ROCK2: variants seen among roughly 807,000 people sequenced by gnomAD.
The protein encoded by ROCK2 is rho-associated protein kinase 2.
ROCK2 carries 61 observed loss-of-function variants against 195.1 expected under a neutral mutation model. That is an observed-to-expected ratio of 0.31 (90% CI 0.25 to 0.39). The LOEUF (loss-of-function observed/expected upper bound fraction) is 0.39, where lower values mean the gene tolerates loss of function less well. Among genes scored for constraint, ROCK2 ranks in the 10% least tolerant of loss-of-function variants. The pLI, the probability that ROCK2 is intolerant of heterozygous loss-of-function variation, is 1.00. For missense variants in ROCK2, 1,109 were observed against 1,637.4 expected (o/e 0.68, Z 5.57); for synonymous variants, 504 against 545.5 (o/e 0.92, Z 1.06).
chr2:11,310,320 A>C (rs1667993329), intron 1 of ROCK2, among the ~76,000 whole-genome samples: 1 of 152,172 alleles, frequency 6.6e-6, no homozygotes, highest in South Asian at 2.1e-4. Context: ...TCTTATTTAC[A>C]ATTTTTAAAA....
At chr2:11,208,605 T>TG (rs919258197) in intron 18 of ROCK2, among the ~76,000 whole-genome samples, 158 bp from the exon 19 acceptor site, 2 of 150,208 alleles carry the variant, frequency 1.3e-5, no homozygotes, top group Admixed American at 1.3e-4. Context: ...TCTTTTCTTT[T>TG]TTTTTTTTTT....
chr2:11,196,365 A>G (rs906033264), intron 27 of ROCK2, among the ~76,000 whole-genome samples: 2 of 152,112 alleles, frequency 1.3e-5, no homozygotes, highest in Admixed American at 6.5e-5. Context: ...CTGTACCACC[A>G]CTCTTGTTAT....
rs1418691198 is a variant in ROCK2 at position 11,180,384 on chromosome 2, T to G, written c.*3053A>C. 1 of 152,208 alleles carries G rather than the reference T, an allele frequency of 6.6e-6. No homozygotes were observed. Among genetic ancestry groups the G allele is most frequent in the East Asian group, 1.9e-4 (1 of 5,198 alleles). The allele number at this position is 152,208 out of a possible 1,614,324, so 9.4% of individuals were successfully genotyped here. On this transcript the variant is annotated 3_prime_UTR_variant, in exon 33 of 33. Transcript: ENST00000315872. ...TCATGTAACTCTAACACAGGTTAGT[T>G]TTAAAGGCACTAACCTTTACTTTGG...
chr2:11,185,707 G>A (rs1478583488), intron 32 of ROCK2, among the ~76,000 whole-genome samples: 1 of 151,884 alleles, frequency 6.6e-6, no homozygotes, highest in East Asian at 1.9e-4. Flanking sequence ...CCAGCCTGGG[G>A]AACAAGAGTG....
chr2:11,299,372 C>T (rs1438804025), intron 1 of ROCK2, among the ~76,000 whole-genome samples: 1 of 151,492 alleles, frequency 6.6e-6, no homozygotes, highest in African/African-American at 2.4e-5. Flanking sequence ...CAAATCTAAA[C>T]AATGAACTTT....
chr2:11,226,640 G>A (rs1245667928), intron 6 of ROCK2, among the ~76,000 whole-genome samples: 2 of 151,970 alleles, frequency 1.3e-5, no homozygotes, highest in African/African-American at 4.8e-5. Flanking sequence ...GGCTAGGTGT[G>A]GTGGTTCATG....
chr2:11,214,918 A>C lies in ROCK2; in HGVS notation c.1858T>G (p.Phe620Val). 1 of 1,614,042 alleles carries C rather than the reference A, an allele frequency of 6.2e-7. No individual in the cohort carries two copies. The highest frequency in any genetic ancestry group is 8.5e-7 in the Non-Finnish European group (1 of 1,179,960). Residue 620 changes from phenylalanine to valine, a missense_variant, in exon 16 of 33, where the codon TTT becomes GTT. Phe to Val is a conservative substitution (Grantham distance 50). Coordinates refer to ENST00000315872, the MANE Select transcript of ROCK2 (RefSeq NM_004850.5). ...ETAKLKLEKE[F>V]INLQSALESE... ...TCTAGAGCTGACTGAAGATTGATAAATTCCTTTTCAAGTTTTAACTTGGCA... is the reference window on the plus strand; with the variant it reads ...TCTAGAGCTGACTGAAGATTGATAACTTCCTTTTCAAGTTTTAACTTGGCA...
rs553973582 is a variant in ROCK2 at position 11,336,437 on chromosome 2, C to T, written c.141+7559G>A. Among the ~76,000 whole-genome samples, 18 of 152,044 alleles carry T rather than the reference C, an allele frequency of 1.2e-4. No homozygotes were observed. In the East Asian group the frequency reaches 2.5e-3, roughly 21 times the overall value. ...GCTAATTTTTTTATTTCTGTAGAGG[C>T]GACAAATCTCACCATGTTGCCCAGG... On this transcript the variant is annotated intron_variant, in intron 1 of 32. Coordinates refer to ENST00000315872, the MANE Select transcript of ROCK2 (RefSeq NM_004850.5).
chr2:11,243,962 C>T (rs1040440445), intron 4 of ROCK2, among the ~76,000 whole-genome samples: 1 of 152,078 alleles, frequency 6.6e-6, no homozygotes, highest in Middle Eastern at 3.2e-3. Context: ...AACAATCATA[C>T]GTTAGTGGAT....
intron 32 of ROCK2, among the ~76,000 whole-genome samples, 180 bp downstream of exon 32, chr2:11,191,968 C>T (rs991361253): frequency 6.6e-6 from 1 of 152,166 alleles, no homozygotes; most frequent in Non-Finnish European, 1.5e-5. Flanking sequence ...GTTTATATTA[C>T]TTTCATCTGA....
chr2:11,215,990 G>A (rs1004993644), intron 13 of ROCK2, among the ~76,000 whole-genome samples, 168 bp downstream of exon 13: 2 of 152,094 alleles, frequency 1.3e-5, no homozygotes, highest in Non-Finnish European at 2.9e-5. Context: ...ATAACAGAAT[G>A]AAGCCTATTT....
At chr2:11,267,674 C>T (rs1666465675) in intron 3 of ROCK2, among the ~76,000 whole-genome samples, 1 of 151,218 alleles carries the variant, frequency 6.6e-6, no homozygotes. Flanking sequence ...GAGCGCCATA[C>T]CCCTTGAGTA....
At chr2:11,187,760 T>C (rs955218166) in intron 32 of ROCK2, among the ~76,000 whole-genome samples, 11 of 152,246 alleles carry the variant, frequency 7.2e-5, no homozygotes, top group Non-Finnish European at 1.3e-4. Flanking sequence ...CTTTTATTAT[T>C]TGGAAGTTCT....
At chr2:11,196,058 C>CA (rs1313427404) in intron 27 of ROCK2, among the ~76,000 whole-genome samples, 1 of 152,076 alleles carries the variant, frequency 6.6e-6, no homozygotes, top group African/African-American at 2.4e-5. Flanking sequence ...TATTATGTAT[C>CA]AATCGTGCTG....
intron 5 of ROCK2, 37 bp from the exon 6 acceptor site, chr2:11,227,435 G>A (rs756852563): frequency 1.3e-6 from 2 of 1,576,068 alleles, no homozygotes; most frequent in Non-Finnish European, 1.7e-6. Context: ...AAACAGTTCA[G>A]TGTAAAAACA....
At chr2:11,327,540 G>A (rs1355023450) in intron 1 of ROCK2, among the ~76,000 whole-genome samples, 2 of 152,166 alleles carry the variant, frequency 1.3e-5, no homozygotes, top group African/African-American at 4.8e-5. Flanking sequence ...CCACATGCCT[G>A]TGTCTTCAAT....
At chr2:11,302,028 AT>A (rs1291871726) in intron 1 of ROCK2, among the ~76,000 whole-genome samples, 2 of 151,914 alleles carry the variant, frequency 1.3e-5, no homozygotes, top group Admixed American at 1.3e-4. Context: ...CTGGTCTCGA[AT>A]TCCAGACCAC....
chr2:11,334,442 CAG>C (rs1668860034), intron 1 of ROCK2, among the ~76,000 whole-genome samples: 1 of 138,760 alleles, frequency 7.2e-6, no homozygotes, highest in African/African-American at 2.7e-5. Context: ...ACCCGGGAGG[CAG>C]AGATTGCGGT....
intron 32 of ROCK2, among the ~76,000 whole-genome samples, chr2:11,184,332 T>C (rs1049278753): frequency 2.0e-5 from 3 of 152,242 alleles, no homozygotes; most frequent in Non-Finnish European, 2.9e-5. Flanking sequence ...CTGTAGGAAC[T>C]TGAAAACGTT....
Sources: gnomAD v4.1 joint callset for allele counts (sites outside exome capture counted in the v4.1 genomes callset) on GRCh38, gnomAD v4.1.1 for gene constraint, MANE v1.5 for transcripts, NCBI Gene and HGNC (gene_info 2026-07-23, HGNC 2026-07-21) for gene names.